Variants in SPAST observed in about 807,000 individuals in gnomAD.
The protein encoded by SPAST is spastic paraplegia 4 (autosomal dominant; spastin).
In SPAST, 30 loss-of-function variants were observed where a neutral mutation model predicts 76.6. The ratio of observed to expected loss-of-function variants is 0.39; its 90% confidence interval spans 0.29 to 0.53. SPAST has a LOEUF of 0.53. Among genes scored for constraint, SPAST ranks in the 20% least tolerant of loss-of-function variants. The pLI, the probability that SPAST is intolerant of heterozygous loss-of-function variation, is 0.68. For missense variants in SPAST, 717 were observed against 770.5 expected, an observed-to-expected ratio of 0.93 and a Z score of 0.82; for synonymous variants, 305 against 281.0, an observed-to-expected ratio of 1.09 and a Z score of -0.86.
chr2:32,141,820 AT>A (rs1679729036), intron 12 of SPAST, 83 bp from the exon 13 acceptor site: 4 of 1,092,656 alleles, frequency 3.7e-6, no homozygotes, highest in Non-Finnish European at 5.5e-6. Context: ...TGAATATTAT[AT>A]TTTAAAAGCT....
At chr2:32,102,992 G>A (rs937452850) in intron 4 of SPAST, among the ~76,000 whole-genome samples, 6 of 152,184 alleles carry the variant, frequency 3.9e-5, no homozygotes, top group Non-Finnish European at 5.9e-5. Context: ...AAATGAGTTA[G>A]GGAGGATTCC....
rs34519148 is a variant in SPAST, at chr2:32,121,535, C to CTT, written c.1098+5345_1098+5346dup. Among the ~76,000 whole-genome samples, 569 of 102,668 alleles carry CTT rather than the reference C, an allele frequency of 5.5e-3. 9 individuals are homozygous for CTT. Among genetic ancestry groups the CTT allele is most frequent in the East Asian group, 9.8e-3 (34 of 3,462 alleles). 67.4% of individuals were successfully genotyped at this position (102,668 alleles called of 152,430 possible). On this transcript the variant is annotated intron_variant, in intron 7 of 16. Coordinates refer to ENST00000315285, the MANE Select transcript of SPAST (RefSeq NM_014946.4). Reference sequence around the variant, plus strand: ...AAGTTTTTTTGTTTCATCTTTCTCACTTTTTTTTTTTTTTTTTTTTTTTAA... The same window carrying CTT: ...AAGTTTTTTTGTTTCATCTTTCTCACTTTTTTTTTTTTTTTTTTTTTTTTTAA...
chr2:32,086,176 G>A (rs1677466350), intron 1 of SPAST, among the ~76,000 whole-genome samples: 2 of 151,922 alleles, frequency 1.3e-5, no homozygotes, highest in Non-Finnish European at 2.9e-5. Context: ...GGGGACATGA[G>A]GCCAGGTGTG....
chr2:32,078,355 G>T (rs796365560), intron 1 of SPAST, among the ~76,000 whole-genome samples: 2 of 152,184 alleles, frequency 1.3e-5, no homozygotes, highest in African/African-American at 4.8e-5. Flanking sequence ...GTATTTTTTG[G>T]TAGAGATGGA....
intron 9 of SPAST, 26 bp downstream of exon 9, chr2:32,128,505 C>T (rs764623803): frequency 4.8e-6 from 7 of 1,456,710 alleles, no homozygotes; most frequent in South Asian, 3.4e-5. Context: ...CCAATATTGT[C>T]GTATTTTAAG....
At chr2:32,102,919 G>T (rs779879518) in intron 4 of SPAST, among the ~76,000 whole-genome samples, 1 of 152,156 alleles carries the variant, frequency 6.6e-6, no homozygotes, top group Non-Finnish European at 1.5e-5. Flanking sequence ...AGGGATATTG[G>T]TCTAAAATTC....
intron 1 of SPAST, among the ~76,000 whole-genome samples, chr2:32,069,551 C>CTTTTTTTT (rs36023742): frequency 1.4e-5 from 2 of 139,628 alleles, no homozygotes; most frequent in Non-Finnish European, 1.5e-5. Flanking sequence ...CATGACTTAT[C>CTTTTTTTT]TTTTTTTTTT....
intron 12 of SPAST, among the ~76,000 whole-genome samples, chr2:32,137,421 T>G (rs1352499110): frequency 6.6e-6 from 1 of 152,218 alleles, no homozygotes; most frequent in African/African-American, 2.4e-5. Flanking sequence ...AATTGGTCAG[T>G]TCTTCTGGGT....
Position 32,064,322 on chromosome 2 carries a change from G to C in SPAST, c.415+76G>C, listed in dbSNP as rs1361201866. 3 of 1,312,136 alleles carry C rather than the reference G, an allele frequency of 2.3e-6. No homozygotes were observed. In the East Asian group the frequency reaches 7.6e-5, roughly 33 times the overall value. The allele number at this position is 1,312,136 out of a possible 1,614,324, so 81.3% of individuals were successfully genotyped here. ...GGGTCGCCGGGGGAGGGCAACACCT[G>C]CGTCCCTTTTCTGCGGGAGGGGACG... is the stretch of plus-strand genomic sequence containing the variant. On this transcript the variant is annotated intron_variant, in intron 1 of 16. Transcript: ENST00000315285.
chr2:32,082,709 T>G (rs1007131562), intron 1 of SPAST, among the ~76,000 whole-genome samples: 1 of 151,618 alleles, frequency 6.6e-6, no homozygotes, highest in Non-Finnish European at 1.5e-5. Flanking sequence ...AAAAAAAAAA[T>G]CAGATCTGTC....
At chr2:32,106,527 C>T (rs1040073129) in intron 4 of SPAST, among the ~76,000 whole-genome samples, 2 of 152,218 alleles carry the variant, frequency 1.3e-5, no homozygotes, top group African/African-American at 4.8e-5. Context: ...CAGCTGTCTT[C>T]TGTGTCGCTC....
chr2:32,104,263 T>C (rs1472028502), intron 4 of SPAST, among the ~76,000 whole-genome samples: 5 of 152,158 alleles, frequency 3.3e-5, no homozygotes, highest in African/African-American at 4.8e-5. Context: ...TATCAGAGAG[T>C]TGGATTGCAA....
intron 12 of SPAST, among the ~76,000 whole-genome samples, chr2:32,138,313 T>G (rs527423515): frequency 1.3e-5 from 2 of 152,294 alleles, no homozygotes; most frequent in South Asian, 4.1e-4. Context: ...CATCTGTTAT[T>G]TTTTTACTTT....
intron 7 of SPAST, among the ~76,000 whole-genome samples, chr2:32,126,126 C>T (rs1323693187): frequency 1.3e-5 from 2 of 152,172 alleles, no homozygotes; most frequent in Admixed American, 6.6e-5. Context: ...TTTTGACTGC[C>T]TGCCTTACTA....
chr2:32,100,237 G>A (rs1678069870), intron 4 of SPAST, among the ~76,000 whole-genome samples: 1 of 150,354 alleles, frequency 6.7e-6, no homozygotes, highest in Non-Finnish European at 1.5e-5. Flanking sequence ...TTGTGGTTTT[G>A]ATTTGCATTT....
At chr2:32,079,788 T>C (rs1399086552) in intron 1 of SPAST, among the ~76,000 whole-genome samples, 1 of 152,180 alleles carries the variant, frequency 6.6e-6, no homozygotes, top group Non-Finnish European at 1.5e-5. Context: ...ACTCCTGGGC[T>C]CAGTCAGTCC....
intron 1 of SPAST, among the ~76,000 whole-genome samples, chr2:32,074,943 G>A (rs1472942849): frequency 6.6e-6 from 1 of 152,038 alleles, no homozygotes; most frequent in African/African-American, 2.4e-5. Context: ...TTTTTTAAAT[G>A]CTTAGTGCTT....
At chr2:32,073,092 A>T (rs2148695186) in intron 1 of SPAST, among the ~76,000 whole-genome samples, 1 of 142,124 alleles carries the variant, frequency 7.0e-6, no homozygotes, top group African/African-American at 2.6e-5. Context: ...TTGTTGTTGT[A>T]TTTTTCCTCA....
At chr2:32,114,948 T>A in intron 5 of SPAST, 123 bp downstream of exon 5, 5 of 688,906 alleles carry the variant, frequency 7.3e-6, no homozygotes, top group Non-Finnish European at 9.5e-6. Context: ...TAAGTTTCCA[T>A]AAAGTTAAAT....
Sources: allele counts gnomAD v4.1 joint callset (sites outside exome capture counted in the v4.1 genomes callset), GRCh38; gene constraint gnomAD v4.1.1; transcripts MANE v1.5; gene names NCBI Gene and HGNC (gene_info 2026-07-23, HGNC 2026-07-21).